The following TAFA1 variants were observed in gnomAD, a reference collection of about 807,000 sequenced individuals.
The protein encoded by TAFA1 is TAFA chemokine like family member 1.
Under a neutral mutation model 18.5 loss-of-function variants are expected in TAFA1, and 4 were observed. That is an observed-to-expected ratio of 0.22 (90% confidence interval 0.11 to 0.49). TAFA1 has a LOEUF of 0.49. Among genes scored for constraint, TAFA1 ranks in the 20% least tolerant of loss-of-function variants. The probability of loss-of-function intolerance (pLI) is 0.98; values close to 1 mark genes in which losing one functional copy is unlikely to be tolerated. For synonymous variants in TAFA1, 56 were observed against 55.2 expected, an observed-to-expected ratio of 1.01 and a Z score of -0.06; for missense variants, 147 against 169.0, an observed-to-expected ratio of 0.87 and a Z score of 0.72.
intron 2 of TAFA1, among the ~76,000 whole-genome samples, chr3:68,235,565 A>G (rs769006814): frequency 6.6e-6 from 1 of 152,166 alleles, no homozygotes; most frequent in Non-Finnish European, 1.5e-5. Context: ...GTATTGGCTC[A>G]ATTTCTATTT....
At chr3:68,271,505 A>T (rs78064626) in intron 2 of TAFA1, among the ~76,000 whole-genome samples, 12,288 of 152,182 alleles carry the variant, frequency 0.081, 808 homozygotes, top group Admixed American at 0.24. Flanking sequence ...GAAGAAAGAA[A>T]GAATGTTGGG....
chr3:68,140,178 G>C (rs2065653034), intron 2 of TAFA1, among the ~76,000 whole-genome samples: 1 of 152,170 alleles, frequency 6.6e-6, no homozygotes, highest in Non-Finnish European at 1.5e-5. Flanking sequence ...AGCCTATGTG[G>C]GAGGCTAATT....
intron 2 of TAFA1, among the ~76,000 whole-genome samples, chr3:68,146,254 T>C (rs934489634): frequency 2.0e-5 from 3 of 152,240 alleles, no homozygotes; most frequent in Non-Finnish European, 4.4e-5. Flanking sequence ...CTGCCATTCC[T>C]AACAAGCTCC....
intron 3 of TAFA1, among the ~76,000 whole-genome samples, chr3:68,453,927 A>G (rs1359201880): frequency 6.6e-6 from 1 of 151,924 alleles, no homozygotes; most frequent in African/African-American, 2.4e-5. Context: ...TCTGAACTTC[A>G]CTCTCGGGTG....
At chr3:68,227,579 G>A (rs932418845) in intron 2 of TAFA1, among the ~76,000 whole-genome samples, 29 of 152,136 alleles carry the variant, frequency 1.9e-4, no homozygotes, top group African/African-American at 7.0e-4. Context: ...GCATATTGGG[G>A]AAAAACTGAA....
chr3:68,285,115 G>T (rs747595680), intron 2 of TAFA1, among the ~76,000 whole-genome samples: 1 of 152,094 alleles, frequency 6.6e-6, no homozygotes, highest in Non-Finnish European at 1.5e-5. Context: ...AATTGCAAAT[G>T]CATTCAACAT....
At chr3:68,124,880 G>A (rs1429622222) in intron 2 of TAFA1, among the ~76,000 whole-genome samples, 1 of 152,204 alleles carries the variant, frequency 6.6e-6, no homozygotes, top group Non-Finnish European at 1.5e-5. Context: ...CTGTAAGTAT[G>A]GGTAAGAGGG....
At chr3:68,190,988 T>C (rs1007609649) in intron 2 of TAFA1, among the ~76,000 whole-genome samples, 2 of 151,838 alleles carry the variant, frequency 1.3e-5, no homozygotes, top group South Asian at 2.1e-4. Context: ...GTACTACTTA[T>C]GTTTTAAAAA....
chr3:68,070,561 C>T (rs2064741543), intron 2 of TAFA1, among the ~76,000 whole-genome samples: 1 of 152,202 alleles, frequency 6.6e-6, no homozygotes, highest in Non-Finnish European at 1.5e-5. Flanking sequence ...CTCCTAGTTA[C>T]TTATGTAAAT....
At chr3:68,356,785 C>T (rs1308753412) in intron 2 of TAFA1, among the ~76,000 whole-genome samples, 6 of 151,970 alleles carry the variant, frequency 3.9e-5, no homozygotes, top group Non-Finnish European at 8.8e-5. Flanking sequence ...TACACACATA[C>T]ATACATGCAT....
At chr3:68,456,781 T>C (rs1281696170) in intron 3 of TAFA1, among the ~76,000 whole-genome samples, 1 of 152,204 alleles carries the variant, frequency 6.6e-6, no homozygotes, top group Non-Finnish European at 1.5e-5. Flanking sequence ...CTTCCCACTT[T>C]TCTTTTTTCT....
chr3:68,248,723 G>A (rs1185522523), intron 2 of TAFA1, among the ~76,000 whole-genome samples: 2 of 146,874 alleles, frequency 1.4e-5, no homozygotes, highest in African/African-American at 5.0e-5. Context: ...CGGGGTGGGT[G>A]GTGGGCGGGG....
intron 3 of TAFA1, among the ~76,000 whole-genome samples, chr3:68,527,515 T>C (rs746735903): frequency 1.3e-5 from 2 of 152,178 alleles, no homozygotes; most frequent in Non-Finnish European, 2.9e-5. Flanking sequence ...AAAACAGTTT[T>C]GTTAATTACT....
At chr3:68,283,394 G>A (rs1021664692) in intron 2 of TAFA1, among the ~76,000 whole-genome samples, 1 of 152,110 alleles carries the variant, frequency 6.6e-6, no homozygotes, top group African/African-American at 2.4e-5. Flanking sequence ...AGTCAGGTAT[G>A]GCCTAGTTTG....
intron 2 of TAFA1, among the ~76,000 whole-genome samples, chr3:68,221,474 G>A (rs1488458068): frequency 6.6e-6 from 1 of 152,136 alleles, no homozygotes; most frequent in African/African-American, 2.4e-5. Flanking sequence ...AGGGTGGCTT[G>A]TAAGGTGCCT....
At chr3:68,525,760 G>T (rs1194468357) in intron 3 of TAFA1, among the ~76,000 whole-genome samples, 1 of 152,044 alleles carries the variant, frequency 6.6e-6, no homozygotes, top group African/African-American at 2.4e-5. Context: ...TATGTTTTTT[G>T]AAGTTAATTA....
intron 2 of TAFA1, among the ~76,000 whole-genome samples, chr3:68,227,191 A>C (rs1260749342): frequency 2.0e-5 from 3 of 152,192 alleles, no homozygotes; most frequent in Non-Finnish European, 4.4e-5. Flanking sequence ...TAGCATATGC[A>C]AATATTCACA....
chr3:68,231,280 T>C (rs1016445776), intron 2 of TAFA1, among the ~76,000 whole-genome samples: 1 of 151,910 alleles, frequency 6.6e-6, no homozygotes, highest in African/African-American at 2.4e-5. Flanking sequence ...GCTTACACAA[T>C]TATCCTTTTA....
chr3:68,320,684 C>T (rs1412841665), intron 2 of TAFA1, among the ~76,000 whole-genome samples: 1 of 152,168 alleles, frequency 6.6e-6, no homozygotes, highest in Admixed American at 6.5e-5. Flanking sequence ...TCTTTGGCTT[C>T]AAAGCTCTTC....
Sources: gnomAD v4.1 joint callset for allele counts (sites outside exome capture counted in the v4.1 genomes callset) on GRCh38, gnomAD v4.1.1 for gene constraint, MANE v1.5 for transcripts, NCBI Gene and HGNC (gene_info 2026-07-23, HGNC 2026-07-21) for gene names.